PLB1: variants seen among roughly 807,000 people sequenced by gnomAD.
PLB1 encodes phospholipase B1, membrane-associated.
Under a neutral mutation model 227.4 loss-of-function variants are expected in PLB1, and 242 were observed. The observed-to-expected ratio is 1.06, with a 90% CI of 0.96 to 1.18. The LOEUF (loss-of-function observed/expected upper bound fraction) is 1.18, where lower values mean the gene tolerates loss of function less well. Among genes scored for constraint, PLB1 ranks in the 50% most tolerant of loss-of-function variants. The pLI is 0.00. For missense variants in PLB1, 1,858 were observed against 1,816.3 expected (o/e 1.02, Z -0.42); for synonymous variants, 757 against 682.2 (o/e 1.11, Z -1.71).
intron 44 of PLB1, among the ~76,000 whole-genome samples, chr2:28,615,992 A>G (rs1441501919): frequency 6.6e-6 from 1 of 152,252 alleles, no homozygotes; most frequent in Non-Finnish European, 1.5e-5. Context: ...CAAATACTAC[A>G]TGTTCTCACC....
At position 28,565,324 on chromosome 2, in the gene PLB1, C is replaced by G. The variant is rs766164694; in HGVS notation, c.1251C>G (p.Val417=). The G allele has an allele frequency of 1.6e-5, 26 of 1,611,648 alleles. 1 individual carries two copies. In the East Asian group the frequency reaches 5.6e-4, roughly 35 times the overall value. The part of the protein sequence containing the change: ...AGSTPGNVLD[V]LTQYRGLSWS... ...CCACACCTGGGAACGTCTTGGACGT[C>G]TTGACTCAGTACCGAGGCCTGTCCT... The change falls in exon 19 of 58, where the codon GTC becomes GTG. Residue 417 remains valine (V), a synonymous_variant. Transcript: ENST00000327757.
intron 8 of PLB1, among the ~76,000 whole-genome samples, chr2:28,531,867 G>C (rs112637427): frequency 6.6e-6 from 1 of 151,874 alleles, no homozygotes; most frequent in South Asian, 2.1e-4. Flanking sequence ...GAAATAATTA[G>C]ATCCAAATAA....
chr2:28,552,148 G>T (rs1674356395), intron 16 of PLB1, among the ~76,000 whole-genome samples: 1 of 152,208 alleles, frequency 6.6e-6, no homozygotes, highest in Non-Finnish European at 1.5e-5. Flanking sequence ...GGGGTATTCT[G>T]GGAACACAGA....
chr2:28,614,014 G>GTTT lies in PLB1; in HGVS notation c.3130-10_3130-8dup. ...GTGCTGTCAGATAACTTCTCCATGT[G>GTTT]TTTTTTTTTCTCTTAGAATGAGCCC... On this transcript the variant is annotated splice_polypyrimidine_tract_variant and intron_variant, in intron 43 of 57. Coordinates refer to ENST00000327757, the MANE Select transcript of PLB1 (RefSeq NM_153021.5). The GTTT allele has an allele frequency of 6.5e-7, 1 of 1,547,086 alleles. No individual in the cohort carries two copies. Among genetic ancestry groups the GTTT allele is most frequent in the Non-Finnish European group, 8.9e-7 (1 of 1,125,808 alleles).
At chr2:28,574,384 CTTTTTT>C (rs70956023) in intron 21 of PLB1, among the ~76,000 whole-genome samples, 6 of 73,966 alleles carry the variant, frequency 8.1e-5, no homozygotes, top group Non-Finnish European at 1.4e-4. Flanking sequence ...TTATATCATT[CTTTTTT>C]TTTTTTTTTT....
chr2:28,527,256 C>T lies in PLB1; in HGVS notation c.325+1311C>T, dbSNP rs1382992807. On this transcript the variant is annotated intron_variant, in intron 6 of 57. Transcript: ENST00000327757. Reference sequence around the variant, plus strand: ...TCTCTAAGCAGAGGGGCCAGGAGTCCCAGCTGGCCAGAGGTCCCGCAGAAA... The same window carrying T: ...TCTCTAAGCAGAGGGGCCAGGAGTCTCAGCTGGCCAGAGGTCCCGCAGAAA... Among the ~76,000 whole-genome samples, 4 of 152,156 alleles carry T rather than the reference C, an allele frequency of 2.6e-5. No individual in the cohort carries two copies. The South Asian group carries it at 8.3e-4, about 32-fold the overall frequency.
chr2:28,529,902 T>TCTG, intron 8 of PLB1, 123 bp downstream of exon 8: 1 of 822,948 alleles, frequency 1.2e-6, no homozygotes, highest in Non-Finnish European at 1.9e-6. Context: ...GTGACCTGGG[T>TCTG]TCTTTAAAAA....
chr2:28,530,466 C>T (rs1169089256), intron 8 of PLB1, among the ~76,000 whole-genome samples: 1 of 152,214 alleles, frequency 6.6e-6, no homozygotes, highest in East Asian at 1.9e-4. Context: ...ATGCAAGCTA[C>T]AGGCTTTTAT....
chr2:28,636,039 G>GAA (rs1479887880), intron 56 of PLB1, among the ~76,000 whole-genome samples: 4 of 91,272 alleles, frequency 4.4e-5, no homozygotes, highest in Non-Finnish European at 8.3e-5. Context: ...ATGTGTGTGT[G>GAA]TGTATGTATG....
chr2:28,624,917 A>G (rs1687534801), intron 49 of PLB1, 140 bp from the exon 50 acceptor site: 2 of 794,346 alleles, frequency 2.5e-6, no homozygotes, highest in Middle Eastern at 2.4e-4. Flanking sequence ...TACTAAGCTG[A>G]GATTTCTTGA....
At chr2:28,618,288 A>G (rs1686474551) in intron 45 of PLB1, 53 bp from the exon 46 acceptor site, 2 of 1,471,300 alleles carry the variant, frequency 1.4e-6, no homozygotes, top group South Asian at 1.1e-5. Context: ...TGTGTACTTT[A>G]AGAGGTAGAT....
Position 28,579,708 on chromosome 2 carries a change from G to A in PLB1, c.1566+1G>A. 2.5e-6 allele frequency: 4 copies of A among 1,611,224 alleles called. No homozygotes were observed. Among genetic ancestry groups the A allele is most frequent in the Non-Finnish European group, 2.5e-6 (3 of 1,177,592 alleles). On this transcript the variant is annotated splice_donor_variant, in intron 23 of 57. Coordinates refer to ENST00000327757, the MANE Select transcript of PLB1 (RefSeq NM_153021.5). LOFTEE classifies it high-confidence loss of function. ...CCTCTGTGATTTCTGCAATGATCTG[G>A]TAGGTCTCCAGGCACTTTACTCAAG...
intron 56 of PLB1, among the ~76,000 whole-genome samples, chr2:28,636,161 C>T (rs1373302254): frequency 3.9e-5 from 6 of 152,252 alleles, no homozygotes; most frequent in South Asian, 2.1e-4. Context: ...TGGATTCAAG[C>T]GATTCTCCTG....
chr2:28,591,897 C>T (rs1040084552), intron 31 of PLB1, 137 bp downstream of exon 31: 1 of 843,004 alleles, frequency 1.2e-6, no homozygotes, highest in African/African-American at 1.7e-5. Flanking sequence ...GGGTGGTCAC[C>T]TGGGATGAGT....
intron 4 of PLB1, among the ~76,000 whole-genome samples, chr2:28,521,833 C>T (rs555708495): frequency 2.6e-5 from 4 of 152,038 alleles, no homozygotes; most frequent in African/African-American, 4.8e-5. Context: ...GCTCAGAGCC[C>T]TACTGTACCT....
chr2:28,616,009 G>A (rs1021957314), intron 44 of PLB1, among the ~76,000 whole-genome samples: 9 of 152,202 alleles, frequency 5.9e-5, no homozygotes, highest in East Asian at 1.9e-4. Flanking sequence ...CACCATATGC[G>A]GAAGCTTAAG....
chr2:28,606,003 C>T (rs1193826419), intron 42 of PLB1, 55 bp downstream of exon 42: 2 of 1,404,010 alleles, frequency 1.4e-6, no homozygotes, highest in Non-Finnish European at 2.0e-6. Flanking sequence ...GGGCAGGGCA[C>T]CAGCCCCTAT....
intron 1 of PLB1, among the ~76,000 whole-genome samples, chr2:28,505,887 C>T (rs1400324382): frequency 6.6e-6 from 1 of 152,166 alleles, no homozygotes. Flanking sequence ...TGGTGTTAGA[C>T]TCTACATCCC....
At chr2:28,526,181 C>T (rs1377838493) in intron 6 of PLB1, among the ~76,000 whole-genome samples, 2 of 152,060 alleles carry the variant, frequency 1.3e-5, no homozygotes, top group African/African-American at 2.4e-5. Context: ...AGCCAGTGGG[C>T]ATTGGGTTAA....
Sources: allele counts gnomAD v4.1 joint callset (sites outside exome capture counted in the v4.1 genomes callset), GRCh38; gene constraint gnomAD v4.1.1; transcripts MANE v1.5; gene names NCBI Gene and HGNC (gene_info 2026-07-23, HGNC 2026-07-21).